ATG4B: variants seen among roughly 807,000 people sequenced by gnomAD.
ATG4B encodes autophagy related 4B cysteine peptidase.
Under a neutral mutation model 56.6 loss-of-function variants are expected in ATG4B, and 29 were observed. That is an observed-to-expected ratio of 0.51 (90% CI 0.38 to 0.70). ATG4B has a LOEUF of 0.70. Ranked by LOEUF, ATG4B falls within the 30% of genes least tolerant of loss-of-function variation. The probability of loss-of-function intolerance (pLI) is 0.00; values close to 1 mark genes in which losing one functional copy is unlikely to be tolerated. For missense variants in ATG4B, 461 were observed against 515.5 expected (o/e 0.89, Z 1.02); for synonymous variants, 224 against 206.1 (o/e 1.09, Z -0.74).
At chr2:241,642,175 T>C (rs2067910202) in intron 1 of ATG4B, among the ~76,000 whole-genome samples, 1 of 151,828 alleles carries the variant, frequency 6.6e-6, no homozygotes, top group Admixed American at 6.6e-5. Flanking sequence ...TGGTTTTTTT[T>C]TTTTTCTTGA....
intron 1 of ATG4B, among the ~76,000 whole-genome samples, chr2:241,642,732 C>G (rs2067931164): frequency 6.6e-6 from 1 of 151,168 alleles, no homozygotes; most frequent in African/African-American, 2.4e-5. Context: ...ATTAAAATGC[C>G]ATCTGCCCTC....
chr2:241,641,313 G>C (rs377392261), intron 1 of ATG4B, among the ~76,000 whole-genome samples: 1 of 152,218 alleles, frequency 6.6e-6, no homozygotes, highest in East Asian at 1.9e-4. Flanking sequence ...CACTTTGAGA[G>C]GCCGAGGTGG....
chr2:241,641,854 C>G (rs569385217), intron 1 of ATG4B, among the ~76,000 whole-genome samples: 2 of 152,206 alleles, frequency 1.3e-5, no homozygotes, highest in South Asian at 4.1e-4. Context: ...GCAGGCAGAC[C>G]ACAGTGTGGC....
chr2:241,656,882 T>C (rs1163630805), intron 6 of ATG4B, among the ~76,000 whole-genome samples: 1 of 152,234 alleles, frequency 6.6e-6, no homozygotes, highest in African/African-American at 2.4e-5. Flanking sequence ...GCATGATCTC[T>C]GCTCAGAATC....
intron 1 of ATG4B, among the ~76,000 whole-genome samples, chr2:241,646,869 G>A (rs922111134): frequency 6.8e-6 from 1 of 146,820 alleles, no homozygotes; most frequent in Non-Finnish European, 1.5e-5. Flanking sequence ...TGCAGCCTCC[G>A]CCTCCTGGGT....
chr2:241,645,745 G>C (rs561876496), intron 1 of ATG4B, among the ~76,000 whole-genome samples: 1 of 152,274 alleles, frequency 6.6e-6, no homozygotes, highest in African/African-American at 2.4e-5. Context: ...CCACAGTACC[G>C]AGAGGAGGGT....
Position 241,643,703 on chromosome 2 carries a change from C to G in ATG4B, c.10+5979C>G, listed in dbSNP as rs953125380. 5.5e-4 allele frequency among the ~76,000 whole-genome samples: 74 copies of G among 135,436 alleles called. 3 individuals are homozygous for G. Among genetic ancestry groups the G allele is most frequent in the African/African-American group, 1.9e-3 (62 of 32,524 alleles). The allele number at this position is 135,436 out of a possible 152,430, so 88.9% of individuals were successfully genotyped here. On this transcript the variant is annotated intron_variant, in intron 1 of 12. Coordinates refer to ENST00000404914, the MANE Select transcript of ATG4B (RefSeq NM_013325.5). Reference sequence around the variant, plus strand: ...GTGTATGTATATATTTTCCCCCCCCCCCGTCGTCCAGGCTGGAGTGCAGTG... The same window carrying G: ...GTGTATGTATATATTTTCCCCCCCCGCCGTCGTCCAGGCTGGAGTGCAGTG...
chr2:241,659,536 A>G, intron 7 of ATG4B: 2 of 367,560 alleles, frequency 5.4e-6, no homozygotes, highest in Non-Finnish European at 1.1e-5. Context: ...TGTGCGACAG[A>G]GAGATGTAGC....
chr2:241,664,808 A>G (rs2068709537), intron 7 of ATG4B, among the ~76,000 whole-genome samples: 1 of 152,126 alleles, frequency 6.6e-6, no homozygotes, highest in African/African-American at 2.4e-5. Flanking sequence ...TACTAAAAAT[A>G]CAAAAATTAG....
chr2:241,638,718 T>C (rs2067773004), intron 1 of ATG4B, among the ~76,000 whole-genome samples: 1 of 152,194 alleles, frequency 6.6e-6, no homozygotes, highest in South Asian at 2.1e-4. Context: ...TTAAAATGAT[T>C]TGTAGCAGCT....
At chr2:241,657,227 C>T (rs1291486178) in intron 6 of ATG4B, among the ~76,000 whole-genome samples, 4 of 125,084 alleles carry the variant, frequency 3.2e-5, no homozygotes, top group Admixed American at 8.1e-5. Context: ...CACCTGCCTT[C>T]GCCTCCCAGA....
intron 1 of ATG4B, among the ~76,000 whole-genome samples, chr2:241,646,007 C>G (rs1009580654): frequency 1.1e-4 from 16 of 152,252 alleles, no homozygotes; most frequent in African/African-American, 3.1e-4. Flanking sequence ...TGGATTTGCT[C>G]CCCTGGGGTT....
At chr2:241,653,656 G>A in intron 4 of ATG4B, 46 bp downstream of exon 4, 3 of 1,529,458 alleles carry the variant, frequency 2.0e-6, no homozygotes, top group Non-Finnish European at 1.8e-6. Context: ...GTGTTCTCAG[G>A]AAGCAAAGGG....
chr2:241,640,724 G>A (rs753273335), intron 1 of ATG4B, among the ~76,000 whole-genome samples: 8 of 152,164 alleles, frequency 5.3e-5, no homozygotes, highest in South Asian at 2.1e-4. Context: ...AAGTTTTGAC[G>A]AAGACTTAAA....
chr2:241,639,675 T>C (rs2067827318), intron 1 of ATG4B, among the ~76,000 whole-genome samples: 1 of 152,178 alleles, frequency 6.6e-6, no homozygotes, highest in African/African-American at 2.4e-5. Flanking sequence ...CCACCCAAAG[T>C]CGGGTGGTCT....
chr2:241,649,826 C>T (rs1349112137), intron 1 of ATG4B, among the ~76,000 whole-genome samples: 3 of 150,644 alleles, frequency 2.0e-5, no homozygotes, highest in African/African-American at 7.3e-5. Context: ...TCTTGTCACC[C>T]AGGCTGGAGT....
At position 241,666,832 on chromosome 2, in the gene ATG4B, G is replaced by A. The variant is rs957010451; in HGVS notation, c.726G>A (p.Thr242=). 1.1e-5 allele frequency: 17 copies of A among 1,559,772 alleles called. No individual in the cohort carries two copies. The Admixed American group carries it at 1.9e-4, about 18-fold the overall frequency. Residue 242 remains threonine (T), a synonymous_variant, in exon 8 of 13, where the codon ACG becomes ACA. Coordinates refer to ENST00000404914, the MANE Select transcript of ATG4B (RefSeq NM_013325.5). The part of the protein sequence containing the change: ...LTDINEAYVE[T]LKHCFMMPQS... ...ACATCAACGAGGCCTACGTGGAGAC[G>A]CTGAAGGTGGGTCCTGCCGTGCGGC...
intron 6 of ATG4B, among the ~76,000 whole-genome samples, chr2:241,658,422 C>T (rs917290591): frequency 4.6e-5 from 7 of 152,158 alleles, no homozygotes; most frequent in Non-Finnish European, 1.0e-4. Context: ...CCACCCAGCT[C>T]CCCTCCACAG....
rs563522468 is a variant in ATG4B, at chr2:241,644,641, C to G, written c.11-6369C>G. 5.0e-4 allele frequency among the ~76,000 whole-genome samples: 76 copies of G among 152,168 alleles called. 1 individual carries two copies. Among genetic ancestry groups the G allele is most frequent in the Admixed American group, 5.0e-3 (76 of 15,286 alleles). On this transcript the variant is annotated intron_variant, in intron 1 of 12. Coordinates refer to ENST00000404914, the MANE Select transcript of ATG4B (RefSeq NM_013325.5). ...CGAGCAGGCTGTCAGACTCCAGAAC[C>G]AAACCTCAGTAGAAATCAGAAGTGT...
Sources: allele counts gnomAD v4.1 joint callset (sites outside exome capture counted in the v4.1 genomes callset), GRCh38; gene constraint gnomAD v4.1.1; transcripts MANE v1.5; gene names NCBI Gene and HGNC (gene_info 2026-07-23, HGNC 2026-07-21).